Variants in KCNK12 observed in about 807,000 individuals in gnomAD.
KCNK12 encodes the protein potassium two pore domain channel subfamily K member 12, also known as potassium channel subfamily K member 12.
KCNK12 carries 6 observed loss-of-function variants against 25.3 expected under a neutral mutation model. The ratio of observed to expected loss-of-function variants is 0.24; its 90% confidence interval spans 0.13 to 0.47. KCNK12 has a LOEUF of 0.47. Ranked by LOEUF, KCNK12 falls within the 20% of genes least tolerant of loss-of-function variation. The pLI is 0.99. For synonymous variants in KCNK12, 331 were observed against 311.1 expected (o/e 1.06, Z -0.67); for missense variants, 444 against 661.7 (o/e 0.67, Z 3.61).
rs550260771 is a variant in KCNK12, at chr2:47,517,613, A to T, written c.*3294T>A. 1 of 152,054 alleles carries T rather than the reference A, an allele frequency of 6.6e-6. No homozygotes were observed. Among genetic ancestry groups the T allele is most frequent in the Non-Finnish European group, 1.5e-5 (1 of 68,022 alleles). 9.4% of individuals were successfully genotyped at this position (152,054 alleles called of 1,614,324 possible). On this transcript the variant is annotated 3_prime_UTR_variant, in exon 2 of 2. Coordinates refer to ENST00000327876, the MANE Select transcript of KCNK12 (RefSeq NM_022055.2). The surrounding 1 kb of genome is among the most constrained non-coding windows in gnomAD (Gnocchi z 4.1). Reference sequence around the variant, plus strand: ...GTATATATATATACATATATGCATGATGCTGTGCAAATGCCCAGGGCTGTC... The same window carrying T: ...GTATATATATATACATATATGCATGTTGCTGTGCAAATGCCCAGGGCTGTC...
In KCNK12 at chr2:47,570,048, C is replaced by T; in HGVS notation, c.284G>A (p.Arg95Gln). Reference protein sequence around the residue: ...VAEPELRAFLRHYEAALAAGV... With the variant: ...VAEPELRAFLQHYEAALAAGV... ...GGCGGCCAGCGCGGCCTCGTAGTGC[C>T]GGAGGAAGGCGCGCAGCTCTGGCTC... The change falls in exon 1 of 2, where the codon CGG (arginine) becomes CAG (glutamine). Residue 95 changes from arginine to glutamine, a missense_variant. By Grantham distance (43) the Arg-to-Gln change is conservative. Coordinates refer to ENST00000327876, the MANE Select transcript of KCNK12 (RefSeq NM_022055.2). The T allele has an allele frequency of 7.1e-7, 1 of 1,415,938 alleles. No homozygotes were observed. 87.7% of individuals were successfully genotyped at this position (1,415,938 alleles called of 1,614,324 possible). A position where few individuals can be genotyped will look rare whatever the true frequency, so the allele number is the denominator to read the frequency against.
chr2:47,567,728 G>T (rs752801426), intron 1 of KCNK12, among the ~76,000 whole-genome samples: 1 of 152,196 alleles, frequency 6.6e-6, no homozygotes, highest in Non-Finnish European at 1.5e-5. Context: ...TGGAAGCAAC[G>T]TGCTGGGTCA....
chr2:47,553,011 TC>T (rs1006040384), intron 1 of KCNK12, among the ~76,000 whole-genome samples: 1 of 152,172 alleles, frequency 6.6e-6, no homozygotes, highest in Non-Finnish European at 1.5e-5. Flanking sequence ...ATCCCCCAGT[TC>T]CTATCCCTAG....
At position 47,521,494 on chromosome 2, in the gene KCNK12, T is replaced by C; in HGVS notation, c.706A>G (p.Thr236Ala). ...LLSCCASAMY[T>A]SVEGWDYVDS... ...ACGTAGTCCCAGCCCTCCACGCTGG[T>C]GTACATGGCCGAGGCGCAGCAGGAC... is the stretch of plus-strand genomic sequence containing the variant. The change falls in exon 2 of 2, where the codon ACC becomes GCC. Residue 236 changes from threonine to alanine, a missense_variant. Around this residue, in one of 8 missense-constraint regions of KCNK12, gnomAD observed 56 missense variants for 135.7 expected, o/e 0.41. Transcript: ENST00000327876. The C allele has an allele frequency of 6.2e-7, 1 of 1,602,712 alleles. No individual in the cohort carries two copies. Among genetic ancestry groups the C allele is most frequent in the Admixed American group, 1.7e-5 (1 of 58,480 alleles).
intron 1 of KCNK12, among the ~76,000 whole-genome samples, chr2:47,537,572 G>A (rs866737931): frequency 3.3e-5 from 5 of 151,958 alleles, no homozygotes; most frequent in East Asian, 3.9e-4. Flanking sequence ...CTCGTGATCC[G>A]CCCGCCTCGG....
At chr2:47,524,141 GA>G (rs1356222568) in intron 1 of KCNK12, among the ~76,000 whole-genome samples, 2 of 152,058 alleles carry the variant, frequency 1.3e-5, no homozygotes, top group East Asian at 3.9e-4. Flanking sequence ...TACAGAAAGT[GA>G]AAAAAACCAA....
In KCNK12 at chr2:47,520,001, A is replaced by G. The variant is rs1384858770; in HGVS notation, c.*906T>C. On this transcript the variant is annotated 3_prime_UTR_variant, in exon 2 of 2. Coordinates refer to ENST00000327876, the MANE Select transcript of KCNK12 (RefSeq NM_022055.2). This position sits in a 1 kb window ranked among gnomAD's most constrained non-coding sequence, Gnocchi z 5.0. ...ACAGTAGTTAAGAAAAAAAAAATCC[A>G]CACCAACAAATAAATATCTTGTCTG... 6.6e-6 allele frequency: 1 copy of G among 152,186 alleles called. No homozygotes were observed. The highest frequency in any genetic ancestry group is 1.5e-5 in the Non-Finnish European group (1 of 68,036). 9.4% of individuals were successfully genotyped at this position (152,186 alleles called of 1,614,324 possible). A position where few individuals can be genotyped will look rare whatever the true frequency, so the allele number is the denominator to read the frequency against.
In KCNK12 at chr2:47,565,143, G is replaced by T. The variant is rs923027123; in HGVS notation, c.391+4798C>A. On this transcript the variant is annotated intron_variant, in intron 1 of 1. Coordinates refer to ENST00000327876, the MANE Select transcript of KCNK12 (RefSeq NM_022055.2). The surrounding 1 kb of genome is among the most constrained non-coding windows in gnomAD (Gnocchi z 5.0). ...GTTTGCACCACTGTACTCCAGCCTGGGCAATGGAGTAAGACTGTGTCTCTT... is the reference window on the plus strand; with the variant it reads ...GTTTGCACCACTGTACTCCAGCCTGTGCAATGGAGTAAGACTGTGTCTCTT... 1 of 152,216 alleles carries T rather than the reference G, an allele frequency of 6.6e-6. No individual in the cohort carries two copies. Among genetic ancestry groups the T allele is most frequent in the Middle Eastern group, 3.4e-3 (1 of 294 alleles). 9.4% of individuals were successfully genotyped at this position (152,216 alleles called of 1,614,324 possible).
Position 47,532,914 on chromosome 2 carries a change from T to C in KCNK12, c.392-11106A>G, listed in dbSNP as rs980519287. Among the ~76,000 whole-genome samples, 4 of 152,358 alleles carry C rather than the reference T, an allele frequency of 2.6e-5. No individual in the cohort carries two copies. The South Asian group carries it at 6.2e-4, about 24-fold the overall frequency. ...GAACAGGGACGGTGGTTTCAGGCTC[T>C]GGCGCCTCCACCTGCTAAGGAGGTG... On this transcript the variant is annotated intron_variant, in intron 1 of 1. Transcript: ENST00000327876.
chr2:47,534,212 G>A (rs1275192401), intron 1 of KCNK12, among the ~76,000 whole-genome samples: 1 of 151,826 alleles, frequency 6.6e-6, no homozygotes, highest in Non-Finnish European at 1.5e-5. Flanking sequence ...TTCCTTGCTA[G>A]CAGGGCTGAC....
At position 47,525,078 on chromosome 2, in the gene KCNK12, T is replaced by C. The variant is rs1249632012; in HGVS notation, c.392-3270A>G. 6.6e-6 allele frequency among the ~76,000 whole-genome samples: 1 copy of C among 152,242 alleles called. No individual in the cohort carries two copies. Among genetic ancestry groups the C allele is most frequent in the Non-Finnish European group, 1.5e-5 (1 of 68,030 alleles). On this transcript the variant is annotated intron_variant, in intron 1 of 1. Coordinates refer to ENST00000327876, the MANE Select transcript of KCNK12 (RefSeq NM_022055.2). The surrounding 1 kb of genome is among the most constrained non-coding windows in gnomAD (Gnocchi z 4.1). ...TGAATTGGATTTTTCAGCTAAAGCC[T>C]CAAAGCTGAGAACAGTATGTGTACA... is the stretch of plus-strand genomic sequence containing the variant.
rs1017949678 is a variant in KCNK12 at position 47,513,639 on chromosome 2, C to A, written c.*7268G>T. 6.6e-6 allele frequency among the ~76,000 whole-genome samples: 1 copy of A among 152,196 alleles called. No homozygotes were observed. Among genetic ancestry groups the A allele is most frequent in the Non-Finnish European group, 1.5e-5 (1 of 68,032 alleles). Reference sequence around the variant, plus strand: ...AATTGCTTGGTGGGAACCCCTCCCCCATGGTTATCTCATGGGTCCCTGAAG... The same window carrying A: ...AATTGCTTGGTGGGAACCCCTCCCCAATGGTTATCTCATGGGTCCCTGAAG... On this transcript the variant is annotated 3_prime_UTR_variant, in exon 2 of 2. Coordinates refer to ENST00000327876, the MANE Select transcript of KCNK12 (RefSeq NM_022055.2).
Position 47,570,306 on chromosome 2 carries a change from G to T in KCNK12, c.26C>A (p.Pro9Gln). MSSRSPRP[P>Q]PRRSRRRLPR... ...CAGGCGGCGGCGGCTACGGCGGGGC[G>T]GGGGCCGGGGGCTGCGGGAGGACAT... The change falls in exon 1 of 2, where the codon CCG (proline) becomes CAG (glutamine). Residue 9 changes from proline (P) to glutamine (Q), a missense_variant. Physicochemically the swap from Pro to Gln is moderately conservative, Grantham distance 76. Coordinates refer to ENST00000327876, the MANE Select transcript of KCNK12 (RefSeq NM_022055.2). 7.5e-7 allele frequency: 1 copy of T among 1,341,520 alleles called. No homozygotes were observed. Among genetic ancestry groups the T allele is most frequent in the Non-Finnish European group, 9.5e-7 (1 of 1,049,228 alleles). The allele number at this position is 1,341,520 out of a possible 1,614,324, so 83.1% of individuals were successfully genotyped here.
At chr2:47,549,485 T>C (rs3863001) in intron 1 of KCNK12, among the ~76,000 whole-genome samples, 8,428 of 151,954 alleles carry the variant, frequency 0.055, 743 homozygotes, top group African/African-American at 0.19. Flanking sequence ...AAATAGTCAA[T>C]AGAAACAGAC....
In KCNK12 at chr2:47,509,629, G is replaced by C. The variant is rs142369899; in HGVS notation, c.*11278C>G. Among the ~76,000 whole-genome samples the C allele has an allele frequency of 5.3e-5, 8 of 152,374 alleles. No homozygotes were observed. Among genetic ancestry groups the C allele is most frequent in the African/African-American group, 9.6e-5 (4 of 41,590 alleles). On this transcript the variant is annotated 3_prime_UTR_variant, in exon 2 of 2. Coordinates refer to ENST00000327876, the MANE Select transcript of KCNK12 (RefSeq NM_022055.2). Reference sequence around the variant, plus strand: ...GCTGGAGTCACGATTCTGTCACCCAGTCAGGTCATCAGTGTCAGAGAGCTA... The same window carrying C: ...GCTGGAGTCACGATTCTGTCACCCACTCAGGTCATCAGTGTCAGAGAGCTA...
At chr2:47,559,285 G>C (rs1236112155) in intron 1 of KCNK12, among the ~76,000 whole-genome samples, 1 of 152,188 alleles carries the variant, frequency 6.6e-6, no homozygotes, top group East Asian at 1.9e-4. Context: ...TTAAAGCAAC[G>C]GCCCAGCAGA....
chr2:47,514,713 C>T lies in KCNK12; in HGVS notation c.*6194G>A, dbSNP rs370272267. Among the ~76,000 whole-genome samples, 3 of 151,768 alleles carry T rather than the reference C, an allele frequency of 2.0e-5. No individual in the cohort carries two copies. Among genetic ancestry groups the T allele is most frequent in the Non-Finnish European group, 2.9e-5 (2 of 67,964 alleles). On this transcript the variant is annotated 3_prime_UTR_variant, in exon 2 of 2. Coordinates refer to ENST00000327876, the MANE Select transcript of KCNK12 (RefSeq NM_022055.2). This position sits in a 1 kb window ranked among gnomAD's most constrained non-coding sequence, Gnocchi z 5.0. ...GAAACATCGACTTCCTGGGCTCAGG[C>T]GATCCTCCCACCTCAGCCCCCTGAG...
At chr2:47,549,693 T>G (rs555093775) in intron 1 of KCNK12, among the ~76,000 whole-genome samples, 238 of 152,286 alleles carry the variant, frequency 1.6e-3, no homozygotes, top group Non-Finnish European at 2.2e-3. Context: ...CCCAGCACTT[T>G]GGGAGGCCAA....
At position 47,547,591 on chromosome 2, in the gene KCNK12, T is replaced by C. The variant is rs1669340049; in HGVS notation, c.391+22350A>G. Among the ~76,000 whole-genome samples the C allele has an allele frequency of 7.4e-6, 1 of 135,968 alleles. No individual in the cohort carries two copies. Among genetic ancestry groups the C allele is most frequent in the Non-Finnish European group, 1.7e-5 (1 of 57,368 alleles). 89.2% of individuals were successfully genotyped at this position (135,968 alleles called of 152,430 possible). ...GCCCCCTAGCTGACATTGGCAGGGC[T>C]TTATTTATTTATTTATTTACTTTTG... On this transcript the variant is annotated intron_variant, in intron 1 of 1. Coordinates refer to ENST00000327876, the MANE Select transcript of KCNK12 (RefSeq NM_022055.2). This position sits in a 1 kb window ranked among gnomAD's most constrained non-coding sequence, Gnocchi z 5.0.
Sources: allele counts gnomAD v4.1 joint callset (sites outside exome capture counted in the v4.1 genomes callset), GRCh38; gene constraint gnomAD v4.1.1; regional missense constraint gnomAD v4.1.1; non-coding constraint Gnocchi (gnomAD v3.1); transcripts MANE v1.5; gene names NCBI Gene and HGNC (gene_info 2026-07-23, HGNC 2026-07-21).